The following STK33 variants were observed in gnomAD, a reference collection of about 807,000 sequenced individuals.
The protein encoded by STK33 is serine/threonine kinase 33, also known as serine/threonine-protein kinase 33.
In STK33, 52 loss-of-function variants were observed where a neutral mutation model predicts 58.0. The observed-to-expected ratio is 0.90, with a 90% CI of 0.72 to 1.13. The LOEUF is 1.13. STK33 is among the 50% of genes most tolerant of loss of function. The probability of loss-of-function intolerance (pLI) is 0.00; values close to 1 mark genes in which losing one functional copy is unlikely to be tolerated. For missense variants in STK33, 630 were observed against 604.2 expected, an observed-to-expected ratio of 1.04 and a Z score of -0.45; for synonymous variants, 215 against 200.1, an observed-to-expected ratio of 1.07 and a Z score of -0.63.
intron 1 of STK33, among the ~76,000 whole-genome samples, chr11:8,515,944 G>A (rs1354468539): frequency 6.6e-6 from 1 of 152,162 alleles, no homozygotes; most frequent in African/African-American, 2.4e-5. Context: ...GACATCCTAT[G>A]TTCATGGATT....
intron 14 of STK33, among the ~76,000 whole-genome samples, chr11:8,426,485 C>T (rs1278087864): frequency 3.9e-5 from 6 of 152,074 alleles, no homozygotes; most frequent in African/African-American, 7.3e-5. Flanking sequence ...GGTCTGTGGG[C>T]ACATGCCTGG....
intron 1 of STK33, among the ~76,000 whole-genome samples, chr11:8,579,630 T>C (rs1236484907): frequency 6.6e-6 from 1 of 152,012 alleles, no homozygotes; most frequent in African/African-American, 2.4e-5. Context: ...TCACATGCTT[T>C]ACAAGAGAAA....
In STK33 at chr11:8,569,453, A is replaced by G. The variant is rs904127490; in HGVS notation, c.-466+24630T>C. The stretch of plus-strand genomic sequence containing the variant: ...CTTCAACTCCTATCTCACACCACCC[A>G]CAGACATTAACTTGAAATAGATCAT... On this transcript the variant is annotated intron_variant, in intron 1 of 15. Transcript: ENST00000687296. Among the ~76,000 whole-genome samples, 4 of 152,222 alleles carry G rather than the reference A, an allele frequency of 2.6e-5. No homozygotes were observed. The East Asian group carries it at 7.7e-4, about 29-fold the overall frequency.
chr11:8,510,939 G>C (rs1051544421), intron 1 of STK33, among the ~76,000 whole-genome samples: 7 of 152,088 alleles, frequency 4.6e-5, no homozygotes, highest in Admixed American at 1.3e-4. Flanking sequence ...CTCCAGATTT[G>C]TTCTTTTTGC....
At chr11:8,526,108 A>G (rs1953997405) in intron 1 of STK33, among the ~76,000 whole-genome samples, 1 of 152,180 alleles carries the variant, frequency 6.6e-6, no homozygotes, top group African/African-American at 2.4e-5. Flanking sequence ...TACTTAAGAA[A>G]GTTATTTAGG....
intron 1 of STK33, among the ~76,000 whole-genome samples, chr11:8,494,548 C>T (rs1306829248): frequency 6.6e-6 from 1 of 152,170 alleles, no homozygotes; most frequent in East Asian, 1.9e-4. Flanking sequence ...TCAATGCCAT[C>T]CCCATGAAGC....
At chr11:8,461,160 G>C (rs1028650921) in intron 8 of STK33, among the ~76,000 whole-genome samples, 1 of 152,156 alleles carries the variant, frequency 6.6e-6, no homozygotes, top group African/African-American at 2.4e-5. Flanking sequence ...GGATTCAAAT[G>C]CACAGGCAAT....
intron 1 of STK33, among the ~76,000 whole-genome samples, chr11:8,520,541 A>C (rs973211609): frequency 6.6e-6 from 1 of 152,214 alleles, no homozygotes; most frequent in Non-Finnish European, 1.5e-5. Context: ...TTAGGAAAAG[A>C]GGAAGTCAAA....
the STK33 span, among the ~76,000 whole-genome samples, chr11:8,353,245 G>A: frequency 6.6e-6 from 1 of 152,230 alleles, no homozygotes. Context: ...TCAGCAAGAA[G>A]CCACGAACCT....
chr11:8,593,890 G>A (rs969358605), intron 1 of STK33, 193 bp downstream of exon 1: 40 of 152,444 alleles, frequency 2.6e-4, no homozygotes, highest in African/African-American at 9.6e-4. Flanking sequence ...CTGGGCCCCA[G>A]GAGACACTCG....
intron 12 of STK33, among the ~76,000 whole-genome samples, chr11:8,437,471 C>A (rs949784569): frequency 2.0e-5 from 3 of 152,220 alleles, no homozygotes; most frequent in African/African-American, 7.2e-5. Flanking sequence ...TAATTAGATT[C>A]ATCACAGGGG....
intron 14 of STK33, among the ~76,000 whole-genome samples, chr11:8,415,826 C>G (rs760717439): frequency 1.3e-5 from 2 of 152,206 alleles, no homozygotes; most frequent in South Asian, 4.1e-4. Flanking sequence ...GCAGTTCTTG[C>G]GCTGCACAGT....
At chr11:8,354,780 G>T in the STK33 span, among the ~76,000 whole-genome samples, 1 of 152,244 alleles carries the variant, frequency 6.6e-6, no homozygotes, top group East Asian at 1.9e-4. Context: ...TGCAAGACTT[G>T]CGGGCAAGCC....
intron 2 of STK33, among the ~76,000 whole-genome samples, chr11:8,477,900 C>T (rs894949197): frequency 3.9e-5 from 6 of 152,112 alleles, no homozygotes; most frequent in African/African-American, 1.4e-4. Flanking sequence ...TTCATTTTTG[C>T]TCTCCAGTCT....
At chr11:8,350,718 G>A in the STK33 span, among the ~76,000 whole-genome samples, 1 of 152,166 alleles carries the variant, frequency 6.6e-6, no homozygotes. Flanking sequence ...ACCAGAATGA[G>A]GGACAGTGTT....
At chr11:8,525,123 G>A (rs893321159) in intron 1 of STK33, among the ~76,000 whole-genome samples, 2 of 152,098 alleles carry the variant, frequency 1.3e-5, no homozygotes, top group Non-Finnish European at 2.9e-5. Context: ...GTAAACAAAT[G>A]GAAGGACATA....
intron 15 of STK33, among the ~76,000 whole-genome samples, chr11:8,400,555 G>T (rs1590754117): frequency 6.6e-6 from 1 of 152,172 alleles, no homozygotes; most frequent in Non-Finnish European, 1.5e-5. Flanking sequence ...TTTGAAAACT[G>T]GCACAAGACA....
chr11:8,493,163 G>T (rs1194241617), intron 1 of STK33, among the ~76,000 whole-genome samples: 1 of 152,022 alleles, frequency 6.6e-6, no homozygotes, highest in Admixed American at 6.6e-5. Flanking sequence ...CTGGGAGCTG[G>T]TTTTTTGAAA....
At chr11:8,409,247 CTT>C (rs1460912427) in intron 15 of STK33, among the ~76,000 whole-genome samples, 3 of 152,188 alleles carry the variant, frequency 2.0e-5, no homozygotes, top group Non-Finnish European at 2.9e-5. Flanking sequence ...CCAGGCTAAA[CTT>C]CAAGTATTAG....
Sources: gnomAD v4.1 joint callset for allele counts (sites outside exome capture counted in the v4.1 genomes callset) on GRCh38, gnomAD v4.1.1 for gene constraint, MANE v1.5 for transcripts, NCBI Gene and HGNC (gene_info 2026-07-23, HGNC 2026-07-21) for gene names.